The following TAF3 variants were observed in gnomAD, a reference collection of about 807,000 sequenced individuals.
The protein encoded by TAF3 is transcription initiation factor TFIID subunit 3.
In TAF3, 7 loss-of-function variants were observed where a neutral mutation model predicts 80.6. The observed-to-expected ratio is 0.09, with a 90% CI of 0.05 to 0.16. The LOEUF is 0.16. Among genes scored for constraint, TAF3 ranks in the 10% least tolerant of loss-of-function variants. TAF3 has a pLI of 1.00. For synonymous variants in TAF3, 444 were observed against 446.1 expected (o/e 1.00, Z 0.06); for missense variants, 921 against 1,140.2 (o/e 0.81, Z 2.77).
At chr10:7,974,178 A>G (rs1831648829) in intron 3 of TAF3, among the ~76,000 whole-genome samples, 1 of 151,164 alleles carries the variant, frequency 6.6e-6, no homozygotes, top group Non-Finnish European at 1.5e-5. Flanking sequence ...ACACAAACAC[A>G]CACACGAGAC....
chr10:7,868,482 A>G (rs1016246677), intron 2 of TAF3, among the ~76,000 whole-genome samples: 1 of 151,792 alleles, frequency 6.6e-6, no homozygotes, highest in Non-Finnish European at 1.5e-5. Context: ...AGGTGGTGTG[A>G]CATAGCGGCC....
At chr10:7,996,151 T>G (rs889842210) in intron 4 of TAF3, among the ~76,000 whole-genome samples, 6 of 152,166 alleles carry the variant, frequency 3.9e-5, no homozygotes. Flanking sequence ...CTTCCTAGTT[T>G]CTTGTGGTTG....
intron 2 of TAF3, among the ~76,000 whole-genome samples, chr10:7,903,505 G>T (rs1026700631): frequency 6.6e-6 from 1 of 152,154 alleles, no homozygotes; most frequent in Non-Finnish European, 1.5e-5. Flanking sequence ...AAGGACAACG[G>T]TGTTTAACTG....
intron 4 of TAF3, among the ~76,000 whole-genome samples, chr10:7,980,489 C>G (rs1831716407): frequency 6.6e-6 from 1 of 152,172 alleles, no homozygotes; most frequent in African/African-American, 2.4e-5. Context: ...AGTCCAGGAC[C>G]TCCTCCTGAT....
chr10:7,884,949 A>G lies in TAF3; in HGVS notation c.409+60389A>G, dbSNP rs569556727. On this transcript the variant is annotated intron_variant, in intron 2 of 6. Coordinates refer to ENST00000344293, the MANE Select transcript of TAF3 (RefSeq NM_031923.4). The stretch of plus-strand genomic sequence containing the variant: ...TAGAATATACAGAAAACAGTTTCAG[A>G]ATTGCTAACCCATACCAATATATCT... 7.4e-4 allele frequency among the ~76,000 whole-genome samples: 112 copies of G among 152,210 alleles called. 1 individual carries two copies. The highest frequency in any genetic ancestry group is 2.6e-3 in the African/African-American group (108 of 41,512).
At chr10:7,866,323 G>T (rs1837214506) in intron 2 of TAF3, among the ~76,000 whole-genome samples, 1 of 152,206 alleles carries the variant, frequency 6.6e-6, no homozygotes, top group African/African-American at 2.4e-5. Context: ...CAAATAAGAA[G>T]ATGAGAGATG....
At chr10:7,847,912 G>GGCACCCATCACC (rs1374053981) in intron 2 of TAF3, among the ~76,000 whole-genome samples, 1 of 152,026 alleles carries the variant, frequency 6.6e-6, no homozygotes, top group South Asian at 2.1e-4. Flanking sequence ...TGAGACTACA[G>GGCACCCATCACC]GCACCCATCA....
At chr10:7,863,582 C>T (rs981151877) in intron 2 of TAF3, among the ~76,000 whole-genome samples, 1 of 133,240 alleles carries the variant, frequency 7.5e-6, no homozygotes, top group Non-Finnish European at 1.5e-5. Context: ...TGCACTCCAG[C>T]CTGATGACCA....
chr10:7,909,075 G>A (rs1837632030), intron 2 of TAF3, among the ~76,000 whole-genome samples: 1 of 152,254 alleles, frequency 6.6e-6, no homozygotes, highest in African/African-American at 2.4e-5. Flanking sequence ...CGCTGGGCCT[G>A]TCACCTCTCC....
rs562270950 is a variant in TAF3 at position 7,912,074 on chromosome 10, A to G, written c.410-51846A>G. On this transcript the variant is annotated intron_variant, in intron 2 of 6. Transcript: ENST00000344293. The stretch of plus-strand genomic sequence containing the variant: ...CTTTTATGTCATTGTAGTTTGGGAG[A>G]TATTTTTTATGTAGAATAGGAAACA... Among the ~76,000 whole-genome samples, 4 of 152,272 alleles carry G rather than the reference A, an allele frequency of 2.6e-5. No homozygotes were observed. The South Asian group carries it at 8.3e-4, about 32-fold the overall frequency.
At chr10:7,873,617 T>TCCC (rs76357762) in intron 2 of TAF3, among the ~76,000 whole-genome samples, 1,656 of 91,866 alleles carry the variant, frequency 0.018, 133 homozygotes, top group East Asian at 0.034. Context: ...ATCCGAGTTC[T>TCCC]CCCCCCCCCC....
At chr10:7,914,428 G>T (rs182736643) in intron 2 of TAF3, among the ~76,000 whole-genome samples, 89 of 152,270 alleles carry the variant, frequency 5.8e-4, no homozygotes, top group African/African-American at 2.0e-3. Flanking sequence ...TAATCTGTCG[G>T]TAAGAGTATT....
chr10:7,874,737 C>T (rs1837298850), intron 2 of TAF3, among the ~76,000 whole-genome samples: 1 of 151,322 alleles, frequency 6.6e-6, no homozygotes, highest in Non-Finnish European at 1.5e-5. Context: ...CAAAACATGA[C>T]CACAACATTA....
intron 2 of TAF3, among the ~76,000 whole-genome samples, chr10:7,843,580 C>T (rs934401401): frequency 6.6e-6 from 1 of 150,972 alleles, no homozygotes; most frequent in African/African-American, 2.4e-5. Flanking sequence ...CTAGTTTTAC[C>T]ACAGGAAAAA....
At chr10:8,014,523 C>CA in intron 6 of TAF3, 114 bp from the exon 7 acceptor site, 1 of 881,452 alleles carries the variant, frequency 1.1e-6, no homozygotes, top group African/African-American at 1.7e-5. Context: ...TGCTGCTTGA[C>CA]TTTGATTTCG....
chr10:7,825,512 C>A (rs1330377415), intron 2 of TAF3, among the ~76,000 whole-genome samples: 1 of 152,208 alleles, frequency 6.6e-6, no homozygotes, highest in Non-Finnish European at 1.5e-5. Flanking sequence ...CTTCCAGCCC[C>A]TGGCAACCAC....
At chr10:7,837,135 G>A (rs1267756399) in intron 2 of TAF3, among the ~76,000 whole-genome samples, 1 of 152,188 alleles carries the variant, frequency 6.6e-6, no homozygotes, top group Non-Finnish European at 1.5e-5. Context: ...GGCCAAGGTG[G>A]GCAAATTGCT....
intron 2 of TAF3, 87 bp downstream of exon 2, chr10:7,824,647 A>G (rs1423012246): frequency 2.1e-6 from 3 of 1,457,542 alleles, no homozygotes; most frequent in South Asian, 1.3e-5. Flanking sequence ...TCAACTTTAT[A>G]AATTCTGGAA....
chr10:7,897,072 C>T (rs1337621498), intron 2 of TAF3, among the ~76,000 whole-genome samples: 1 of 152,202 alleles, frequency 6.6e-6, no homozygotes, highest in Non-Finnish European at 1.5e-5. Flanking sequence ...AATCCTCATG[C>T]TTTGAATCCC....
Sources: gnomAD v4.1 joint callset for allele counts (sites outside exome capture counted in the v4.1 genomes callset) on GRCh38, gnomAD v4.1.1 for gene constraint, MANE v1.5 for transcripts, NCBI Gene and HGNC (gene_info 2026-07-23, HGNC 2026-07-21) for gene names.